SPRED2: variants seen among roughly 807,000 people sequenced by gnomAD.
The protein encoded by SPRED2 is sprouty related EVH1 domain containing 2.
A neutral mutation model predicts 43.0 loss-of-function variants in SPRED2; 47 were observed. The ratio of observed to expected loss-of-function variants is 1.09; its 90% CI spans 0.87 to 1.40. The LOEUF is 1.40. SPRED2 is among the 40% of genes most tolerant of loss of function. The probability of loss-of-function intolerance (pLI) is 0.00; values close to 1 mark genes in which losing one functional copy is unlikely to be tolerated. For synonymous variants in SPRED2, 225 were observed against 225.7 expected, an observed-to-expected ratio of 1.00 and a Z score of 0.03; for missense variants, 561 against 586.4, an observed-to-expected ratio of 0.96 and a Z score of 0.45.
intron 1 of SPRED2, among the ~76,000 whole-genome samples, chr2:65,405,449 A>C (rs1676000220): frequency 1.3e-5 from 2 of 152,186 alleles, no homozygotes; most frequent in African/African-American, 4.8e-5. Context: ...TCTGATCCCA[A>C]ATATTCCTAG....
At chr2:65,360,690 G>A (rs1674790087) in intron 1 of SPRED2, among the ~76,000 whole-genome samples, 1 of 152,204 alleles carries the variant, frequency 6.6e-6, no homozygotes, top group South Asian at 2.1e-4. Context: ...AGGGGAGTGA[G>A]TTGTTTAATT....
chr2:65,431,811 A>T, intron 1 of SPRED2, 151 bp downstream of exon 1: 1 of 923,802 alleles, frequency 1.1e-6, no homozygotes, highest in Non-Finnish European at 1.7e-6. Context: ...TTCAACAAGC[A>T]GGGAAGCCTC....
rs751416202 is a variant in SPRED2 at position 65,313,595 on chromosome 2, G to T, written c.1163C>A (p.Ala388Asp). ...GGGCAGGTAACAGCACATACAGGGG[G>T]CCAGGAAAGACAAGGCAATAAGAGC... The part of the protein sequence containing the change: ...WMALIALSFL[A>D]PCMCCYLPLR... Residue 388 changes from alanine (A) to aspartate (D), a missense_variant, in exon 6 of 6, where the codon GCC becomes GAC. By Grantham distance (126) the Ala-to-Asp change is moderately radical. Around this residue, in one of 6 missense-constraint regions of SPRED2, gnomAD observed 65 missense variants for 60.2 expected, o/e 1.08. Transcript: ENST00000356388. 4 of 1,614,194 alleles carry T rather than the reference G, an allele frequency of 2.5e-6. No homozygotes were observed. Among genetic ancestry groups the T allele is most frequent in the Admixed American group, 1.7e-5 (1 of 60,022 alleles).
At chr2:65,401,169 T>C (rs1234666233) in intron 1 of SPRED2, among the ~76,000 whole-genome samples, 2 of 151,534 alleles carry the variant, frequency 1.3e-5, no homozygotes, top group Non-Finnish European at 2.9e-5. Flanking sequence ...AGAGACGTGG[T>C]TTCACCACGT....
chr2:65,422,104 A>ACACACACACTCTCTCT (rs1299857849), intron 1 of SPRED2, among the ~76,000 whole-genome samples: 55 of 129,030 alleles, frequency 4.3e-4, no homozygotes, highest in Non-Finnish European at 6.6e-4. Context: ...ACACACACAC[A>ACACACACACTCTCTCT]CTCTCTCTCT....
At chr2:65,322,583 G>A (rs781182191) in intron 4 of SPRED2, among the ~76,000 whole-genome samples, 56 of 151,976 alleles carry the variant, frequency 3.7e-4, no homozygotes, top group Non-Finnish European at 2.8e-4. Context: ...GTGAGCCACC[G>A]TGCCCGGCCT....
At chr2:65,361,723 T>C (rs1331963767) in intron 1 of SPRED2, among the ~76,000 whole-genome samples, 6 of 152,256 alleles carry the variant, frequency 3.9e-5, no homozygotes, top group African/African-American at 1.4e-4. Flanking sequence ...TGTTTTATTT[T>C]TCTTTGGAAC....
At chr2:65,376,390 G>A (rs888630506) in intron 1 of SPRED2, among the ~76,000 whole-genome samples, 2 of 152,140 alleles carry the variant, frequency 1.3e-5, no homozygotes, top group Admixed American at 1.3e-4. Flanking sequence ...CAGATTAACT[G>A]GGGCATAATG....
chr2:65,398,037 AGGCACATAGACCAAT>A (rs1675798527), intron 1 of SPRED2, among the ~76,000 whole-genome samples: 1 of 152,260 alleles, frequency 6.6e-6, no homozygotes, highest in African/African-American at 2.4e-5. Flanking sequence ...GTATAAAAAT[AGGCACATAGACCAAT>A]GGAACAGAAT....
intron 3 of SPRED2, among the ~76,000 whole-genome samples, chr2:65,333,569 C>T (rs1010974160): frequency 2.6e-5 from 4 of 152,120 alleles, no homozygotes; most frequent in South Asian, 2.1e-4. Flanking sequence ...GGACACAATG[C>T]GAACGTCTAT....
chr2:65,382,735 CT>C (rs1170786181), intron 1 of SPRED2, among the ~76,000 whole-genome samples: 7 of 152,114 alleles, frequency 4.6e-5, no homozygotes, highest in African/African-American at 7.2e-5. Context: ...ACTTCACATT[CT>C]TTTTTTTCTT....
At chr2:65,345,275 T>C (rs1267272435) in intron 1 of SPRED2, among the ~76,000 whole-genome samples, 4 of 148,730 alleles carry the variant, frequency 2.7e-5, no homozygotes, top group Non-Finnish European at 6.0e-5. Flanking sequence ...TTTTTTTTTT[T>C]TTTTTGAGAC....
Position 65,344,805 on chromosome 2 carries a change from G to C in SPRED2, c.118C>G (p.Arg40Gly). ...TGCATGACCTTACAGACCCCGACGC[G>C]ACTGATCCCGCCTCCTTCCTGTGGG... ...WFPQEGGGIS[R>G]VGVCKVMHPE... Residue 40 changes from arginine to glycine, a missense_variant, in exon 2 of 6, where the codon CGC (arginine) becomes GGC (glycine). Arg to Gly is a moderately radical substitution (Grantham distance 125). Coordinates refer to ENST00000356388, the MANE Select transcript of SPRED2 (RefSeq NM_181784.3). 1 of 1,614,120 alleles carries C rather than the reference G, an allele frequency of 6.2e-7. No homozygotes were observed.
chr2:65,413,964 G>A (rs1377938738), intron 1 of SPRED2, among the ~76,000 whole-genome samples: 1 of 152,174 alleles, frequency 6.6e-6, no homozygotes, highest in African/African-American at 2.4e-5. Context: ...GAGTTAGTGT[G>A]TGTAGTTTTA....
downstream of SPRED2, among the ~76,000 whole-genome samples, chr2:65,309,182 G>T (rs12476109): frequency 0.16 from 23,608 of 150,398 alleles, 2,362 homozygotes; most frequent in Non-Finnish European, 0.22. Context: ...TCATTAAAGT[G>T]TTTTAATAGA....
intron 1 of SPRED2, among the ~76,000 whole-genome samples, chr2:65,398,144 C>T (rs764772126): frequency 2.0e-5 from 3 of 152,156 alleles, no homozygotes; most frequent in Non-Finnish European, 2.9e-5. Flanking sequence ...AGAAAAAGAA[C>T]ACCCTATTCA....
chr2:65,422,900 A>T (rs891801628), intron 1 of SPRED2, among the ~76,000 whole-genome samples: 2 of 152,222 alleles, frequency 1.3e-5, no homozygotes, highest in African/African-American at 2.4e-5. Context: ...CTAGCAAGGC[A>T]GATTTGCTTT....
At chr2:65,319,587 T>C (rs1673351062) in intron 4 of SPRED2, among the ~76,000 whole-genome samples, 1 of 152,174 alleles carries the variant, frequency 6.6e-6, no homozygotes, top group African/African-American at 2.4e-5. Context: ...TTCCCTTCAC[T>C]ATGGATTCCT....
chr2:65,426,745 A>G (rs1043650265), intron 1 of SPRED2, among the ~76,000 whole-genome samples: 3 of 152,316 alleles, frequency 2.0e-5, no homozygotes, highest in Non-Finnish European at 4.4e-5. Flanking sequence ...GAAAGAAGAG[A>G]ATTTCAGAAT....
Sources: gnomAD v4.1 joint callset for allele counts (sites outside exome capture counted in the v4.1 genomes callset) on GRCh38, gnomAD v4.1.1 for gene constraint, gnomAD v4.1.1 regional missense constraint, MANE v1.5 for transcripts, NCBI Gene and HGNC (gene_info 2026-07-23, HGNC 2026-07-21) for gene names.